Variants in GABRG3 observed in about 807,000 individuals in gnomAD.
GABRG3 encodes the protein gamma-aminobutyric acid type A receptor subunit gamma3, also known as gamma-aminobutyric acid receptor subunit gamma-3.
Under a neutral mutation model 48.8 loss-of-function variants are expected in GABRG3, and 25 were observed. The observed-to-expected ratio is 0.51, with a 90% CI of 0.37 to 0.72. The LOEUF is 0.72. Among genes scored for constraint, GABRG3 ranks in the 30% least tolerant of loss-of-function variants. The pLI is 0.00. For missense variants in GABRG3, 394 were observed against 577.9 expected (o/e 0.68, Z 3.26); for synonymous variants, 227 against 217.6 (o/e 1.04, Z -0.38).
chr15:27,244,139 C>CT (rs910239180), intron 3 of GABRG3, among the ~76,000 whole-genome samples: 6 of 152,164 alleles, frequency 3.9e-5, no homozygotes, highest in Non-Finnish European at 7.4e-5. Flanking sequence ...CACCAACCAT[C>CT]TTTTTTAAGC....
chr15:27,406,690 G>A (rs376116792), intron 5 of GABRG3, among the ~76,000 whole-genome samples: 53 of 152,134 alleles, frequency 3.5e-4, no homozygotes, highest in African/African-American at 1.2e-3. Flanking sequence ...ACAGATAATC[G>A]TAGTGGGATC....
chr15:27,477,270 A>T (rs1327915245), intron 5 of GABRG3, among the ~76,000 whole-genome samples: 2 of 152,244 alleles, frequency 1.3e-5, no homozygotes, highest in Non-Finnish European at 2.9e-5. Flanking sequence ...TGAGCTATTA[A>T]GCCATGAAGA....
At position 27,179,113 on chromosome 15, in the gene GABRG3, A is replaced by C. The variant is rs1163371322; in HGVS notation, c.271-147696A>C. 2.0e-5 allele frequency among the ~76,000 whole-genome samples: 3 copies of C among 152,226 alleles called. No homozygotes were observed. Among genetic ancestry groups the C allele is most frequent in the Non-Finnish European group, 2.9e-5 (2 of 68,032 alleles). ...TGGGTTATAGTTTTCTATCCCCAAT[A>C]AAACAAATAAACAAAGAAAACTCAT... On this transcript the variant is annotated intron_variant, in intron 3 of 9. Transcript: ENST00000615808. The surrounding 1 kb of genome is among the most constrained non-coding windows in gnomAD (Gnocchi z 4.0).
intron 3 of GABRG3, among the ~76,000 whole-genome samples, chr15:27,061,764 T>G (rs1595500391): frequency 1.3e-5 from 2 of 152,126 alleles, no homozygotes; most frequent in East Asian, 1.9e-4. Context: ...GTTGATAACC[T>G]TGAATAAATT....
chr15:27,274,147 T>G (rs1246677568), intron 3 of GABRG3, among the ~76,000 whole-genome samples: 1 of 152,124 alleles, frequency 6.6e-6, no homozygotes, highest in African/African-American at 2.4e-5. Flanking sequence ...TTCACTTATG[T>G]ATTGTATAGG....
intron 5 of GABRG3, among the ~76,000 whole-genome samples, chr15:27,394,227 G>GT (rs1025095962): frequency 1.3e-5 from 2 of 151,908 alleles, no homozygotes; most frequent in Non-Finnish European, 2.9e-5. Context: ...TTTCCTTGCT[G>GT]TTTCTTTTAC....
At chr15:27,526,906 C>T (rs138127452) in intron 7 of GABRG3, among the ~76,000 whole-genome samples, 2 of 152,118 alleles carry the variant, frequency 1.3e-5, no homozygotes, top group Non-Finnish European at 2.9e-5. Flanking sequence ...AAGACATATG[C>T]GATTCCCTGT....
At chr15:27,020,450 C>G (rs1235259666) in intron 2 of GABRG3, among the ~76,000 whole-genome samples, 2 of 152,172 alleles carry the variant, frequency 1.3e-5, no homozygotes, top group East Asian at 3.9e-4. Context: ...CTCGCTCTTT[C>G]GCCCAGGCTG....
intron 3 of GABRG3, among the ~76,000 whole-genome samples, chr15:27,034,897 A>C (rs1458046409): frequency 6.6e-6 from 1 of 152,118 alleles, no homozygotes; most frequent in East Asian, 1.9e-4. Flanking sequence ...CAATTTCCTT[A>C]GTTAATAGGC....
At chr15:27,346,610 T>C (rs181428121) in intron 5 of GABRG3, among the ~76,000 whole-genome samples, 1 of 147,866 alleles carries the variant, frequency 6.8e-6, no homozygotes, top group Admixed American at 6.9e-5. Context: ...CCATGGTTCA[T>C]GAATGTTCTA....
chr15:27,045,331 C>T (rs1896344535), intron 3 of GABRG3, among the ~76,000 whole-genome samples: 1 of 152,152 alleles, frequency 6.6e-6, no homozygotes, highest in Admixed American at 6.5e-5. Flanking sequence ...CACAGCACAC[C>T]CCGAAACTCA....
chr15:27,307,007 T>TATAAA lies in GABRG3; in HGVS notation c.271-19801_271-19797dup, dbSNP rs1555369896. ...ATAAACATGTTTATATATAAACATG[T>TATAAA]ATAAACATGTTTATATATAAACATG... On this transcript the variant is annotated intron_variant, in intron 3 of 9. Transcript: ENST00000615808. 1.3e-3 allele frequency among the ~76,000 whole-genome samples: 152 copies of TATAAA among 112,852 alleles called. 9 individuals carry two copies. The highest frequency in any genetic ancestry group is 5.5e-3 in the African/African-American group (123 of 22,266). The allele number at this position is 112,852 out of a possible 152,430, so 74.0% of individuals were successfully genotyped here. A position where few individuals can be genotyped will look rare whatever the true frequency, so the allele number is the denominator to read the frequency against.
chr15:27,436,933 C>CTGCAGTGA (rs1026613307), intron 5 of GABRG3, among the ~76,000 whole-genome samples: 4 of 150,214 alleles, frequency 2.7e-5, no homozygotes, highest in African/African-American at 9.8e-5. Context: ...GAGTTCAATG[C>CTGCAGTGA]TGCAGTGAGC....
intron 3 of GABRG3, among the ~76,000 whole-genome samples, chr15:27,201,228 C>T (rs570849212): frequency 1.3e-5 from 2 of 151,812 alleles, no homozygotes; most frequent in African/African-American, 2.4e-5. Context: ...CAGCTTCCCG[C>T]CCCTCAAGTA....
chr15:27,097,996 A>G (rs1397345303), intron 3 of GABRG3, among the ~76,000 whole-genome samples: 2 of 151,974 alleles, frequency 1.3e-5, no homozygotes. Flanking sequence ...AAGAAAAAAA[A>G]AAAGAAACTG....
At chr15:27,490,925 G>T (rs565047830) in intron 6 of GABRG3, among the ~76,000 whole-genome samples, 1 of 119,178 alleles carries the variant, frequency 8.4e-6, no homozygotes, top group Non-Finnish European at 1.6e-5. Flanking sequence ...TGCTCTTGCC[G>T]CATTTCTGTG....
At chr15:27,438,339 G>T (rs1467923398) in intron 5 of GABRG3, among the ~76,000 whole-genome samples, 1 of 152,174 alleles carries the variant, frequency 6.6e-6, no homozygotes, top group South Asian at 2.1e-4. Flanking sequence ...ACAATTTTAT[G>T]TGCATTTTAC....
At chr15:27,300,089 A>G (rs1334906323) in intron 3 of GABRG3, among the ~76,000 whole-genome samples, 7 of 152,194 alleles carry the variant, frequency 4.6e-5, no homozygotes, top group Non-Finnish European at 8.8e-5. Context: ...AAACTCTTAC[A>G]TACAGCTTCT....
At chr15:27,410,061 T>C (rs1314796086) in intron 5 of GABRG3, among the ~76,000 whole-genome samples, 2 of 152,178 alleles carry the variant, frequency 1.3e-5, no homozygotes, top group Non-Finnish European at 2.9e-5. Flanking sequence ...AGATGAAATA[T>C]TTTATTTATA....
Sources: allele counts gnomAD v4.1 joint callset (sites outside exome capture counted in the v4.1 genomes callset), GRCh38; gene constraint gnomAD v4.1.1; non-coding constraint Gnocchi (gnomAD v3.1); transcripts MANE v1.5; gene names NCBI Gene and HGNC (gene_info 2026-07-23, HGNC 2026-07-21).